LRBA: variants seen among roughly 807,000 people sequenced by gnomAD.
LRBA encodes LPS responsive beige-like anchor protein.
In LRBA, 176 loss-of-function variants were observed where a neutral mutation model predicts 330.0. That is an observed-to-expected ratio of 0.53 (90% CI 0.47 to 0.60). The LOEUF is 0.60. Among genes scored for constraint, LRBA ranks in the 20% least tolerant of loss-of-function variants. LRBA has a pLI of 0.00. For missense variants in LRBA, 3,259 were observed against 3,444.8 expected (o/e 0.95, Z 1.35); for synonymous variants, 1,230 against 1,193.0 (o/e 1.03, Z -0.64).
At chr4:150,546,585 A>C (rs540945129) in intron 40 of LRBA, among the ~76,000 whole-genome samples, 1 of 152,352 alleles carries the variant, frequency 6.6e-6, no homozygotes, top group East Asian at 1.9e-4. Context: ...ATTTACAAAA[A>C]TACCAGAGTG....
intron 36 of LRBA, among the ~76,000 whole-genome samples, chr4:150,685,938 G>A (rs1055490302): frequency 6.6e-6 from 1 of 152,104 alleles, no homozygotes. Context: ...GGTAGAACGA[G>A]TAATAGTCTG....
intron 36 of LRBA, among the ~76,000 whole-genome samples, chr4:150,703,215 A>T (rs1785285906): frequency 6.6e-6 from 1 of 152,220 alleles, no homozygotes; most frequent in Non-Finnish European, 1.5e-5. Context: ...CATTAAGAAA[A>T]ACAGCGACAA....
intron 36 of LRBA, among the ~76,000 whole-genome samples, chr4:150,720,701 G>C (rs1436706165): frequency 2.6e-5 from 4 of 152,040 alleles, no homozygotes; most frequent in African/African-American, 7.2e-5. Flanking sequence ...AATTTTCTAA[G>C]AACTGAAGGA....
intron 42 of LRBA, among the ~76,000 whole-genome samples, chr4:150,481,581 C>G (rs1757303363): frequency 1.3e-5 from 2 of 152,056 alleles, no homozygotes; most frequent in Non-Finnish European, 2.9e-5. Context: ...CAACTCTTGG[C>G]CCCTGGTAAC....
At chr4:150,839,000 AG>A (rs1392283847) in intron 28 of LRBA, among the ~76,000 whole-genome samples, 2 of 152,190 alleles carry the variant, frequency 1.3e-5, no homozygotes, top group Non-Finnish European at 2.9e-5. Context: ...CATCTGACAA[AG>A]GGCTAATATC....
chr4:150,936,443 G>GTT (rs1735088050), intron 2 of LRBA, among the ~76,000 whole-genome samples: 1 of 151,822 alleles, frequency 6.6e-6, no homozygotes, highest in Non-Finnish European at 1.5e-5. Flanking sequence ...TAATTTAAAA[G>GTT]AATCCACACA....
rs1465989311 is a variant in LRBA, at chr4:150,927,516, T to TA, written c.549+999dup. Among the ~76,000 whole-genome samples the TA allele has an allele frequency of 3.3e-5, 5 of 151,126 alleles. No homozygotes were observed. The East Asian group carries it at 9.8e-4, about 29-fold the overall frequency. On this transcript the variant is annotated intron_variant, in intron 4 of 56. Coordinates refer to ENST00000651943, the MANE Select transcript of LRBA (RefSeq NM_001364905.1). ...TATCTAAAATAAAGCACAAAAAGAT[T>TA]AAAAAAAGAGTTAACAGATCCCAGT...
chr4:150,764,259 A>G (rs1368807086), intron 34 of LRBA, among the ~76,000 whole-genome samples: 1 of 152,054 alleles, frequency 6.6e-6, no homozygotes, highest in Non-Finnish European at 1.5e-5. Context: ...GAAAACGTCA[A>G]GAATGTCCCC....
chr4:150,852,550 T>G lies in LRBA; in HGVS notation c.3160A>C (p.Ile1054Leu), dbSNP rs1341416379. The part of the protein sequence containing the change: ...NADDLEVSSD[I>L]IEAVAISSNS... ...GAGGAAATAGCCACAGCTTCTATTA[T>G]GTCAGAAGATACTTCTAAATCATCT... Residue 1054 changes from isoleucine to leucine, a missense_variant, in exon 23 of 57, where the codon ATA (isoleucine) becomes CTA (leucine). Physicochemically the swap from Ile to Leu is conservative, Grantham distance 5. Transcript: ENST00000651943. 6.2e-7 allele frequency: 1 copy of G among 1,613,914 alleles called. No homozygotes were observed. The highest frequency in any genetic ancestry group is 2.2e-5 in the East Asian group (1 of 44,872).
intron 22 of LRBA, among the ~76,000 whole-genome samples, chr4:150,862,908 G>C (rs1398805734): frequency 6.6e-6 from 1 of 152,058 alleles, no homozygotes; most frequent in African/African-American, 2.4e-5. Flanking sequence ...GAACCCAGGA[G>C]GTGGAGGTTT....
In LRBA at chr4:150,890,395, G is replaced by A. The variant is rs546725871; in HGVS notation, c.2165+2657C>T. On this transcript the variant is annotated intron_variant, in intron 17 of 56. Transcript: ENST00000651943. ...TCTAACAGGACAAGGGCAGACGGGA[G>A]TTTTTGTTAGAAACCACTTCCAGCA... Among the ~76,000 whole-genome samples the A allele has an allele frequency of 1.3e-5, 2 of 152,206 alleles. 1 individual carries two copies. The highest frequency in any genetic ancestry group is 4.8e-5 in the African/African-American group (2 of 41,524).
chr4:150,543,196 A>G (rs1765503933), intron 40 of LRBA, among the ~76,000 whole-genome samples: 4 of 152,208 alleles, frequency 2.6e-5, no homozygotes, highest in South Asian at 2.1e-4. Context: ...TTTATACACA[A>G]TTAACAGTCA....
intron 2 of LRBA, among the ~76,000 whole-genome samples, chr4:150,949,583 G>A (rs1736606277): frequency 6.6e-6 from 1 of 152,062 alleles, no homozygotes; most frequent in Non-Finnish European, 1.5e-5. Flanking sequence ...TCAACTGCAT[G>A]TGAATCAGCA....
intron 47 of LRBA, among the ~76,000 whole-genome samples, chr4:150,372,652 TACTTA>T (rs1250537892): frequency 1.0e-4 from 15 of 148,734 alleles, no homozygotes; most frequent in African/African-American, 3.2e-4. Flanking sequence ...TCTTGGGCAA[TACTTA>T]ACTTCTTAAA....
intron 22 of LRBA, among the ~76,000 whole-genome samples, chr4:150,860,537 A>C (rs920065276): frequency 3.9e-5 from 6 of 152,174 alleles, no homozygotes; most frequent in Non-Finnish European, 8.8e-5. Flanking sequence ...TGGACTAAAG[A>C]AACATATAGG....
At chr4:150,295,940 A>G (rs1340850097) in intron 53 of LRBA, among the ~76,000 whole-genome samples, 7 of 152,176 alleles carry the variant, frequency 4.6e-5, no homozygotes, top group Admixed American at 2.0e-4. Flanking sequence ...TAGGTAAGCT[A>G]TGGCTCCTGT....
rs577899070 is a variant in LRBA at position 150,632,122 on chromosome 4, T to C, written c.5922-32991A>G. Among the ~76,000 whole-genome samples, 631 of 152,020 alleles carry C rather than the reference T, an allele frequency of 4.2e-3. 5 individuals carry two copies. The highest frequency in any genetic ancestry group is 0.015 in the African/African-American group (610 of 41,474). ...GGCAGGCACCTGTAATCCCAGCTACTTGGGAGGCTGAGGCAGGAGAATTGC... is the reference window on the plus strand; with the variant it reads ...GGCAGGCACCTGTAATCCCAGCTACCTGGGAGGCTGAGGCAGGAGAATTGC... On this transcript the variant is annotated intron_variant, in intron 37 of 56. Coordinates refer to ENST00000651943, the MANE Select transcript of LRBA (RefSeq NM_001364905.1).
At chr4:150,458,815 T>C (rs1194061424) in intron 44 of LRBA, among the ~76,000 whole-genome samples, 1 of 151,782 alleles carries the variant, frequency 6.6e-6, no homozygotes, top group African/African-American at 2.4e-5. Context: ...CACTTCTGTT[T>C]CATAAATTGC....
chr4:150,338,966 T>TACAC (rs200463218), intron 48 of LRBA, among the ~76,000 whole-genome samples: 33,730 of 148,590 alleles, frequency 0.23, 3,809 homozygotes, highest in Non-Finnish European at 0.25. Flanking sequence ...TATTTAATTA[T>TACAC]ACACACACAC....
Sources: allele counts gnomAD v4.1 joint callset (sites outside exome capture counted in the v4.1 genomes callset), GRCh38; gene constraint gnomAD v4.1.1; transcripts MANE v1.5; gene names NCBI Gene and HGNC (gene_info 2026-07-23, HGNC 2026-07-21).